MGST1: variants seen among roughly 807,000 people sequenced by gnomAD.
The protein encoded by MGST1 is glutathione S-transferase 12.
MGST1 carries 5 observed loss-of-function variants against 8.9 expected under a neutral mutation model. That is an observed-to-expected ratio of 0.56 (90% CI 0.29 to 1.19). The LOEUF (loss-of-function observed/expected upper bound fraction) is 1.19. MGST1 is among the 50% of genes most tolerant of loss of function. MGST1 has a pLI of 0.08. For synonymous variants in MGST1, 54 were observed against 67.8 expected, an observed-to-expected ratio of 0.80 and a Z score of 1.00; for missense variants, 182 against 187.4, an observed-to-expected ratio of 0.97 and a Z score of 0.17.
At chr12:16,581,301 C>T (rs1389989241) in intron 4 of MGST1, among the ~76,000 whole-genome samples, 1 of 152,154 alleles carries the variant, frequency 6.6e-6, no homozygotes, top group Non-Finnish European at 1.5e-5. Flanking sequence ...CCATCACTTG[C>T]ACCTTGGGAA....
At chr12:16,352,718 G>A (rs1244473635) in intron 1 of MGST1, among the ~76,000 whole-genome samples, 1 of 152,130 alleles carries the variant, frequency 6.6e-6, no homozygotes, top group African/African-American at 2.4e-5. Context: ...CTACTCAACG[G>A]CTTTTAGTTG....
At chr12:16,506,236 C>T (rs534665765) in intron 4 of MGST1, among the ~76,000 whole-genome samples, 2 of 152,192 alleles carry the variant, frequency 1.3e-5, no homozygotes, top group African/African-American at 4.8e-5. Context: ...TCCCTGAACC[C>T]GATTCCAACA....
chr12:16,358,507 C>T, intron 3 of MGST1, among the ~76,000 whole-genome samples: 1 of 151,710 alleles, frequency 6.6e-6, no homozygotes, highest in East Asian at 1.9e-4. Context: ...CACTCTGTCA[C>T]CTAGGCTGGA....
At chr12:16,407,851 G>A (rs1246860849) in intron 1 of MGST1, among the ~76,000 whole-genome samples, 2 of 151,912 alleles carry the variant, frequency 1.3e-5, no homozygotes, top group African/African-American at 4.8e-5. Flanking sequence ...GGCCAACGTG[G>A]TGAAACCCTG....
intron 1 of MGST1, among the ~76,000 whole-genome samples, chr12:16,353,821 G>A (rs1043771204): frequency 1.4e-5 from 2 of 145,518 alleles, no homozygotes; most frequent in Non-Finnish European, 3.0e-5. Context: ...GTGCAGTGGC[G>A]CAATCTTGGC....
At chr12:16,352,446 C>T (rs1262240455) in intron 1 of MGST1, among the ~76,000 whole-genome samples, 3 of 152,112 alleles carry the variant, frequency 2.0e-5, no homozygotes, top group Non-Finnish European at 2.9e-5. Context: ...TACTACATGC[C>T]AAGCAGGATA....
chr12:16,586,317 C>A lies in MGST1; in HGVS notation n.483-3211C>A, dbSNP rs1316107850. 2.0e-5 allele frequency among the ~76,000 whole-genome samples: 3 copies of A among 152,150 alleles called. No individual in the cohort carries two copies. The highest frequency in any genetic ancestry group is 2.9e-5 in the Non-Finnish European group (2 of 68,030). Reference sequence around the variant, plus strand: ...GTCATGATACGATGAAGTCCACATACGGAACAACTAAGAAACAACTAAAAC... The same window carrying A: ...GTCATGATACGATGAAGTCCACATAAGGAACAACTAAGAAACAACTAAAAC... On this transcript the variant is annotated intron_variant and non_coding_transcript_variant, in intron 4 of 4. Coordinates refer to the MGST1 transcript ENST00000538857. This position sits in a 1 kb window ranked among gnomAD's most constrained non-coding sequence, Gnocchi z 4.3.
intron 4 of MGST1, among the ~76,000 whole-genome samples, chr12:16,471,104 C>A (rs1263888694): frequency 1.3e-5 from 2 of 152,160 alleles, no homozygotes; most frequent in Non-Finnish European, 2.9e-5. Flanking sequence ...GTAATTTGAA[C>A]CTGACTGTAT....
intron 4 of MGST1, among the ~76,000 whole-genome samples, chr12:16,446,632 T>C (rs964008531): frequency 2.6e-5 from 4 of 151,874 alleles, no homozygotes; most frequent in African/African-American, 9.7e-5. Flanking sequence ...CCCCTGATGG[T>C]TAAATGCTGC....
chr12:16,465,296 T>G (rs1030540886), intron 4 of MGST1, among the ~76,000 whole-genome samples: 2 of 152,198 alleles, frequency 1.3e-5, no homozygotes, highest in African/African-American at 4.8e-5. Flanking sequence ...CTGACGAACC[T>G]ACATTTTATG....
upstream of MGST1, among the ~76,000 whole-genome samples, chr12:16,382,552 G>C (rs1476153074): frequency 2.6e-5 from 4 of 152,144 alleles, no homozygotes; most frequent in East Asian, 1.9e-4. Context: ...GCCCCTACTG[G>C]GGGGGTGCCT....
At chr12:16,495,616 C>A (rs1012210586) in intron 4 of MGST1, among the ~76,000 whole-genome samples, 9 of 151,564 alleles carry the variant, frequency 5.9e-5, no homozygotes, top group Admixed American at 1.3e-4. Context: ...ATTTTCCAAC[C>A]GGAAAATGAC....
In MGST1 at chr12:16,500,096, A is replaced by G. The variant is rs1941496049; in HGVS notation, n.483-89432A>G. Among the ~76,000 whole-genome samples, 1 of 152,196 alleles carries G rather than the reference A, an allele frequency of 6.6e-6. No homozygotes were observed. Among genetic ancestry groups the G allele is most frequent in the East Asian group, 1.9e-4 (1 of 5,198 alleles). On this transcript the variant is annotated intron_variant and non_coding_transcript_variant, in intron 4 of 4. Transcript: ENST00000538857. The surrounding 1 kb of genome is among the most constrained non-coding windows in gnomAD (Gnocchi z 4.3). Reference sequence around the variant, plus strand: ...TTTAAACTTTAGATATTTGTCAACAATTAATTATTTCTTAAAGATTATACT... The same window carrying G: ...TTTAAACTTTAGATATTTGTCAACAGTTAATTATTTCTTAAAGATTATACT...
At chr12:16,417,050 T>C (rs545959059) in intron 1 of MGST1, among the ~76,000 whole-genome samples, 2 of 152,290 alleles carry the variant, frequency 1.3e-5, no homozygotes, top group South Asian at 2.1e-4. Flanking sequence ...CAACAAACTT[T>C]TTTGTAGTCT....
intron 4 of MGST1, among the ~76,000 whole-genome samples, chr12:16,588,197 G>A (rs1943379906): frequency 6.6e-6 from 1 of 151,526 alleles, no homozygotes; most frequent in African/African-American, 2.4e-5. Context: ...TTTAAACATT[G>A]TTTTCATAAT....
At chr12:16,415,384 C>CT (rs11368760) in intron 1 of MGST1, among the ~76,000 whole-genome samples, 80,896 of 151,858 alleles carry the variant, frequency 0.53, 22,669 homozygotes, top group East Asian at 0.87. Flanking sequence ...ATACAGTTGA[C>CT]TTTGAACAAC....
At chr12:16,553,779 A>T (rs12300297) in intron 4 of MGST1, among the ~76,000 whole-genome samples, 2,899 of 152,166 alleles carry the variant, frequency 0.019, 95 homozygotes, top group African/African-American at 0.066. Context: ...GTATGTATTT[A>T]ACAAATTAAT....
chr12:16,365,743 G>GCACACACATACACA (rs1555096029), downstream of MGST1, among the ~76,000 whole-genome samples: 2,427 of 100,398 alleles, frequency 0.024, 74 homozygotes, highest in African/African-American at 0.11. Context: ...GCGTGCACGC[G>GCACACACATACACA]CACACACACA....
chr12:16,555,943 G>A lies in MGST1; in HGVS notation n.483-33585G>A, dbSNP rs935065070. Reference sequence around the variant, plus strand: ...GATGCTTCCCTAACACTTCAAGAAGGATGGCTCTCTCTTCCCTCAGTATAG... The same window carrying A: ...GATGCTTCCCTAACACTTCAAGAAGAATGGCTCTCTCTTCCCTCAGTATAG... On this transcript the variant is annotated intron_variant and non_coding_transcript_variant, in intron 4 of 4. Transcript: ENST00000538857. The surrounding 1 kb of genome is among the most constrained non-coding windows in gnomAD (Gnocchi z 5.5). Among the ~76,000 whole-genome samples the A allele has an allele frequency of 6.6e-6, 1 of 151,908 alleles. No homozygotes were observed. The highest frequency in any genetic ancestry group is 1.5e-5 in the Non-Finnish European group (1 of 68,016).
Sources: gnomAD v4.1 joint callset for allele counts (sites outside exome capture counted in the v4.1 genomes callset) on GRCh38, gnomAD v4.1.1 for gene constraint, Gnocchi (gnomAD v3.1) non-coding constraint, MANE v1.5 for transcripts, NCBI Gene and HGNC (gene_info 2026-07-23, HGNC 2026-07-21) for gene names.